TBL3: variants seen among roughly 807,000 people sequenced by gnomAD.
The protein encoded by TBL3 is transducin beta like 3, also known as transducin beta-like protein 3.
Under a neutral mutation model 102.7 loss-of-function variants are expected in TBL3, and 71 were observed. The ratio of observed to expected loss-of-function variants is 0.69; its 90% CI spans 0.57 to 0.84. The LOEUF (loss-of-function observed/expected upper bound fraction) is 0.84, where lower values mean the gene tolerates loss of function less well. TBL3 is among the 40% of genes least tolerant of loss of function. The pLI is 0.00. For missense variants in TBL3, 1,188 were observed against 1,098.5 expected (o/e 1.08, Z -1.15); for synonymous variants, 578 against 477.7 (o/e 1.21, Z -2.74).
intron 14 of TBL3, 31 bp from the exon 15 acceptor site, chr16:1,977,023 T>C (rs778909782): frequency 4.3e-6 from 7 of 1,612,350 alleles, no homozygotes; most frequent in East Asian, 2.2e-5. Flanking sequence ...AGATGGGGGA[T>C]TGCTGAGCCA....
At chr16:1,976,354 G>A (rs745829136) in intron 13 of TBL3, 40 bp downstream of exon 13, 1 of 1,565,102 alleles carries the variant, frequency 6.4e-7, no homozygotes, top group Non-Finnish European at 8.7e-7. Flanking sequence ...TCAGGGAGGT[G>A]GAGGCCCAGG....
rs1415444036 is a variant in TBL3 at position 1,979,774 on chromosome 16, G to A, written c.*1089G>A. On this transcript the variant is annotated 3_prime_UTR_variant, in exon 22 of 22. Transcript: ENST00000568546. Reference sequence around the variant, plus strand: ...AAGCCGCAGTGGTGGCGTGAGGGGTGGGGTTAGGCGCATACCGCTGCTCCC... The same window carrying A: ...AAGCCGCAGTGGTGGCGTGAGGGGTAGGGTTAGGCGCATACCGCTGCTCCC... 1.3e-6 allele frequency: 2 copies of A among 1,497,872 alleles called. No individual in the cohort carries two copies. Among genetic ancestry groups the A allele is most frequent in the Non-Finnish European group, 1.8e-6 (2 of 1,114,434 alleles). 92.8% of individuals were successfully genotyped at this position (1,497,872 alleles called of 1,614,324 possible).
rs759295340 is a variant in TBL3, at chr16:1,974,657, C to T, written c.357C>T (p.Pro119=). The T allele has an allele frequency of 2.7e-5, 44 of 1,608,720 alleles. No homozygotes were observed. Among genetic ancestry groups the T allele is most frequent in the Non-Finnish European group, 3.7e-5 (44 of 1,176,762 alleles). ...TAPVATMAFD[P]TSTLLATGGC... Reference sequence around the variant, plus strand: ...CCGTGGCCACCATGGCCTTCGACCCCACCTCCACTCTGCTAGCCACAGGTA... The same window carrying T: ...CCGTGGCCACCATGGCCTTCGACCCTACCTCCACTCTGCTAGCCACAGGTA... The change falls in exon 5 of 22, where the codon CCC becomes CCT. Residue 119 remains proline (P), a synonymous_variant. Coordinates refer to ENST00000568546, the MANE Select transcript of TBL3 (RefSeq NM_006453.3).
chr16:1,973,952 G>T, intron 1 of TBL3, 104 bp from the exon 2 acceptor site: 1 of 1,269,024 alleles, frequency 7.9e-7, no homozygotes, highest in Non-Finnish European at 1.0e-6. Flanking sequence ...AAACTCAAGG[G>T]CAGGGGCCAT....
chr16:1,981,393 G>A lies in TBL3; in HGVS notation c.*2708G>A. The A allele has an allele frequency of 1.6e-6, 2 of 1,249,646 alleles. No individual in the cohort carries two copies. Among genetic ancestry groups the A allele is most frequent in the Non-Finnish European group, 2.1e-6 (2 of 933,108 alleles). 77.4% of individuals were successfully genotyped at this position (1,249,646 alleles called of 1,614,324 possible). A position where few individuals can be genotyped will look rare whatever the true frequency, so the allele number is the denominator to read the frequency against. ...CACGATCTGGGGGCAGGAGCACAGGGATTGGGGGACTTCCAGGCAGAGCTG... is the reference window on the plus strand; with the variant it reads ...CACGATCTGGGGGCAGGAGCACAGGAATTGGGGGACTTCCAGGCAGAGCTG... On this transcript the variant is annotated 3_prime_UTR_variant, in exon 22 of 22. Coordinates refer to ENST00000568546, the MANE Select transcript of TBL3 (RefSeq NM_006453.3).
rs1423755118 is a variant in TBL3, at chr16:1,975,845, T to C, written c.1025T>C (p.Phe342Ser). Reference protein sequence around the residue: ...GYSEEVLDVRFLGPEDSHVVV... With the variant: ...GYSEEVLDVRSLGPEDSHVVV... ...AGTGAGGAGGTTTTGGATGTCCGGT[T>C]TCTTGGGCCCGAGGACTCCCACGTT... is the stretch of plus-strand genomic sequence containing the variant. Residue 342 changes from phenylalanine (F) to serine (S), a missense_variant, in exon 11 of 22, where the codon TTT becomes TCT. Phe to Ser is a radical substitution (Grantham distance 155). Coordinates refer to ENST00000568546, the MANE Select transcript of TBL3 (RefSeq NM_006453.3). 2 of 1,614,026 alleles carry C rather than the reference T, an allele frequency of 1.2e-6. No individual in the cohort carries two copies. Among genetic ancestry groups the C allele is most frequent in the African/African-American group, 2.7e-5 (2 of 74,936 alleles).
chr16:1,978,361 G>A lies in TBL3; in HGVS notation c.2183G>A (p.Cys728Tyr), dbSNP rs564556144. 6 of 1,611,742 alleles carry A rather than the reference G, an allele frequency of 3.7e-6. No homozygotes were observed. The East Asian group carries it at 1.3e-4, about 36-fold the overall frequency. The change falls in exon 21 of 22, where the codon TGC becomes TAC. Residue 728 changes from cysteine to tyrosine, a missense_variant. By Grantham distance (194) the Cys-to-Tyr change is radical. Coordinates refer to ENST00000568546, the MANE Select transcript of TBL3 (RefSeq NM_006453.3). ...ACGTGGAACACCAACTCGCGGCACT[G>A]CCACGAGGCCCAGGCCGTGCTGGGT... ...CVTWNTNSRH[C>Y]HEAQAVLGVL...
At position 1,977,497 on chromosome 16, in the gene TBL3, C is replaced by G; in HGVS notation, c.1743-17C>G. The G allele has an allele frequency of 1.9e-6, 3 of 1,609,368 alleles. No homozygotes were observed. In the East Asian group the frequency reaches 6.7e-5, roughly 36 times the overall value. On this transcript the variant is annotated splice_polypyrimidine_tract_variant and intron_variant, in intron 16 of 21. Transcript: ENST00000568546. ...GGGACCTGCCTGACGCTGAGCCTCT[C>G]CCCACCCCAAACCCAGCGGTTCGGA...
chr16:1,973,560 C>T (rs999788190), intron 1 of TBL3, among the ~76,000 whole-genome samples: 1 of 152,188 alleles, frequency 6.6e-6, no homozygotes, highest in Non-Finnish European at 1.5e-5. Context: ...GGAGAAGGGG[C>T]ACGAGTGAGG....
intron 11 of TBL3, 44 bp from the exon 12 acceptor site, chr16:1,976,012 C>T (rs763096496): frequency 6.2e-6 from 10 of 1,614,136 alleles, no homozygotes; most frequent in Non-Finnish European, 8.5e-6. Flanking sequence ...TGCTTCCCTT[C>T]CCCCGTCTTG....
chr16:1,972,278 G>C (rs1006800110), intron 1 of TBL3, 73 bp downstream of exon 1: 1 of 1,282,598 alleles, frequency 7.8e-7, no homozygotes, highest in Non-Finnish European at 1.0e-6. Flanking sequence ...GCGCGCGTGG[G>C]GTGGGCACGC....
chr16:1,977,873 C>A, intron 18 of TBL3, 73 bp downstream of exon 18: 1 of 1,593,140 alleles, frequency 6.3e-7, no homozygotes, highest in Non-Finnish European at 8.6e-7. Flanking sequence ...AGGCTGAGTG[C>A]CAGGCTCCCT....
chr16:1,979,583 A>C lies in TBL3; in HGVS notation c.*898A>C, dbSNP rs760426410. ...GTTTGGAGTCACCGCGGGGCCACAG[A>C]GGACGAGGCCCGCCCGCACCCTTCT... On this transcript the variant is annotated 3_prime_UTR_variant, in exon 22 of 22. Coordinates refer to ENST00000568546, the MANE Select transcript of TBL3 (RefSeq NM_006453.3). 1 of 1,513,762 alleles carries C rather than the reference A, an allele frequency of 6.6e-7. No individual in the cohort carries two copies. The allele number at this position is 1,513,762 out of a possible 1,614,324, so 93.8% of individuals were successfully genotyped here.
In TBL3 at chr16:1,980,420, A is replaced by T. The variant is rs202176564; in HGVS notation, c.*1735A>T. On this transcript the variant is annotated 3_prime_UTR_variant, in exon 22 of 22. Transcript: ENST00000568546. Reference sequence around the variant, plus strand: ...CCAGGGGTTGCGGTGCGAAGAAGCCAGTGATCGTCGGGCTCCGTGCCACGC... The same window carrying T: ...CCAGGGGTTGCGGTGCGAAGAAGCCTGTGATCGTCGGGCTCCGTGCCACGC... The T allele has an allele frequency of 3.2e-4, 514 of 1,602,892 alleles. No individual in the cohort carries two copies. Among genetic ancestry groups the T allele is most frequent in the Non-Finnish European group, 4.1e-4 (483 of 1,179,834 alleles).
chr16:1,977,984 A>T lies in TBL3; in HGVS notation c.1985A>T (p.His662Leu). 1 of 1,604,742 alleles carries T rather than the reference A, an allele frequency of 6.2e-7. No individual in the cohort carries two copies. Among genetic ancestry groups the T allele is most frequent in the Non-Finnish European group, 8.5e-7 (1 of 1,175,570 alleles). ...VRQQELDNLLHEKRYLRALGL... is the reference protein window; with the variant it reads ...VRQQELDNLLLEKRYLRALGL... ...CAGCAAGAGCTGGACAACCTGCTGC[A>T]TGAGAAGCGGTACCTGCGGGCGCTG... Residue 662 changes from histidine (H) to leucine (L), a missense_variant, in exon 19 of 22, where the codon CAT becomes CTT. Coordinates refer to ENST00000568546, the MANE Select transcript of TBL3 (RefSeq NM_006453.3).
In TBL3 at chr16:1,981,307, G is replaced by GGGGTCC. The variant is rs2150892277; in HGVS notation, c.*2623_*2628dup. ...AATCCTGGCAACACCTCAAGCCTGTGGGGTCCTTGTGGAGCCGCCCCAGCT... is the reference window on the plus strand; with the variant it reads ...AATCCTGGCAACACCTCAAGCCTGTGGGGTCCGGGTCCTTGTGGAGCCGCCCCAGCT... On this transcript the variant is annotated 3_prime_UTR_variant, in exon 22 of 22. Transcript: ENST00000568546. The GGGGTCC allele has an allele frequency of 6.8e-7, 1 of 1,472,636 alleles. No homozygotes were observed. The highest frequency in any genetic ancestry group is 1.4e-5 in the South Asian group (1 of 73,932). 91.2% of individuals were successfully genotyped at this position (1,472,636 alleles called of 1,614,324 possible).
rs774866104 is a variant in TBL3, at chr16:1,975,861, C to T, written c.1041C>T (p.Asp347=). ...ATGTCCGGTTTCTTGGGCCCGAGGA[C>T]TCCCACGTTGTCGTGGCCTCCAATA... ...VLDVRFLGPE[D]SHVVVASNSP... The change falls in exon 11 of 22, where the codon GAC becomes GAT. Residue 347 remains aspartate, a synonymous_variant. Coordinates refer to ENST00000568546, the MANE Select transcript of TBL3 (RefSeq NM_006453.3). The T allele has an allele frequency of 6.2e-7, 1 of 1,614,176 alleles. No individual in the cohort carries two copies. Among genetic ancestry groups the T allele is most frequent in the Non-Finnish European group, 8.5e-7 (1 of 1,180,032 alleles).
Position 1,980,285 on chromosome 16 carries a change from T to C in TBL3, c.*1600T>C. Reference sequence around the variant, plus strand: ...CCAGCCTCCCACTCTCTGCCCCTATTCGCTGGCTGTTCCCCCCCACCCTGG... The same window carrying C: ...CCAGCCTCCCACTCTCTGCCCCTATCCGCTGGCTGTTCCCCCCCACCCTGG... On this transcript the variant is annotated 3_prime_UTR_variant, in exon 22 of 22. Coordinates refer to ENST00000568546, the MANE Select transcript of TBL3 (RefSeq NM_006453.3). 1.3e-6 allele frequency: 2 copies of C among 1,519,370 alleles called. No individual in the cohort carries two copies. Among genetic ancestry groups the C allele is most frequent in the Non-Finnish European group, 1.8e-6 (2 of 1,133,496 alleles). The allele number at this position is 1,519,370 out of a possible 1,614,324, so 94.1% of individuals were successfully genotyped here.
At position 1,977,043 on chromosome 16, in the gene TBL3, C is replaced by T. The variant is rs2083408045; in HGVS notation, c.1441-11C>T. The T allele has an allele frequency of 6.2e-7, 1 of 1,613,074 alleles. No individual in the cohort carries two copies. Among genetic ancestry groups the T allele is most frequent in the Non-Finnish European group, 8.5e-7 (1 of 1,179,702 alleles). On this transcript the variant is annotated splice_polypyrimidine_tract_variant and intron_variant, in intron 14 of 21. Transcript: ENST00000568546. ...GGGGATTGCTGAGCCACCACCTTCT[C>T]CCATTGCCAGGACATCAACAGCGTG...
Sources: gnomAD v4.1 joint callset for allele counts (sites outside exome capture counted in the v4.1 genomes callset) on GRCh38, gnomAD v4.1.1 for gene constraint, MANE v1.5 for transcripts, NCBI Gene and HGNC (gene_info 2026-07-23, HGNC 2026-07-21) for gene names.